The following PLEKHG1 variants were observed in gnomAD, a reference collection of about 807,000 sequenced individuals.
PLEKHG1 encodes pleckstrin homology domain-containing family G member 1.
In PLEKHG1, 44 loss-of-function variants were observed where a neutral mutation model predicts 100.8. That is an observed-to-expected ratio of 0.44 (90% CI 0.34 to 0.56). The LOEUF is 0.56. Ranked by LOEUF, PLEKHG1 falls within the 20% of genes least tolerant of loss-of-function variation. The pLI, the probability that PLEKHG1 is intolerant of heterozygous loss-of-function variation, is 0.01. For synonymous variants in PLEKHG1, 640 were observed against 662.5 expected (o/e 0.97, Z 0.52); for missense variants, 1,545 against 1,720.9 (o/e 0.90, Z 1.81).
chr6:150,818,130 G>T (rs1248656941), intron 10 of PLEKHG1, 53 bp from the exon 12 acceptor site: 1 of 1,424,414 alleles, frequency 7.0e-7, no homozygotes, highest in East Asian at 2.3e-5. Context: ...GAGATTTGGA[G>T]TTTAAAGAAA....
intron 10 of PLEKHG1, among the ~76,000 whole-genome samples, chr6:150,810,551 GAAA>G (rs1787461351): frequency 7.7e-6 from 1 of 129,098 alleles, no homozygotes; most frequent in Admixed American, 7.5e-5. Context: ...AGAAAGGAAG[GAAA>G]GAAAGAAAGA....
intron 3 of PLEKHG1, among the ~76,000 whole-genome samples, chr6:150,704,417 A>G (rs1780923820): frequency 6.6e-6 from 1 of 152,180 alleles, no homozygotes; most frequent in African/African-American, 2.4e-5. Flanking sequence ...AGTTCTATTC[A>G]CAATCCTTTA....
chr6:150,754,596 A>T (rs935656732), intron 2 of PLEKHG1, among the ~76,000 whole-genome samples: 5 of 151,124 alleles, frequency 3.3e-5, no homozygotes, highest in Admixed American at 2.6e-4. Flanking sequence ...GAGAGGCGGG[A>T]TTTGTTGTTT....
intron 3 of PLEKHG1, among the ~76,000 whole-genome samples, chr6:150,772,534 G>A (rs1022178585): frequency 3.3e-5 from 5 of 152,108 alleles, no homozygotes; most frequent in Non-Finnish European, 7.4e-5. Flanking sequence ...CAGGAGGATC[G>A]CTTGAGCCCA....
At chr6:150,818,505 G>C (rs749886455) in intron 11 of PLEKHG1, among the ~76,000 whole-genome samples, 1 of 152,056 alleles carries the variant, frequency 6.6e-6, no homozygotes, top group Non-Finnish European at 1.5e-5. Flanking sequence ...CCCTACCCCT[G>C]CCCCAACCTC....
At chr6:150,799,438 C>T (rs1269845016) in intron 5 of PLEKHG1, among the ~76,000 whole-genome samples, 3 of 152,162 alleles carry the variant, frequency 2.0e-5, no homozygotes, top group Non-Finnish European at 2.9e-5. Context: ...CAGGGAGGGA[C>T]GCAAACCCAG....
chr6:150,799,060 A>G (rs1786539750), intron 5 of PLEKHG1, among the ~76,000 whole-genome samples: 1 of 152,184 alleles, frequency 6.6e-6, no homozygotes, highest in African/African-American at 2.4e-5. Flanking sequence ...TCTTTAAAAA[A>G]AAAAAAAATT....
intron 2 of PLEKHG1, among the ~76,000 whole-genome samples, chr6:150,645,529 G>A (rs1562405810): frequency 6.6e-6 from 1 of 152,070 alleles, no homozygotes; most frequent in African/African-American, 2.4e-5. Flanking sequence ...ATATATTGAA[G>A]AATATATGAA....
intron 2 of PLEKHG1, among the ~76,000 whole-genome samples, chr6:150,766,249 T>A (rs773488031): frequency 1.3e-4 from 20 of 152,228 alleles, no homozygotes; most frequent in Admixed American, 7.2e-4. Flanking sequence ...TTTAAATTGA[T>A]CCTTCATAGT....
At chr6:150,731,368 T>C (rs1468663889) in intron 1 of PLEKHG1, among the ~76,000 whole-genome samples, 1 of 152,262 alleles carries the variant, frequency 6.6e-6, no homozygotes, top group Non-Finnish European at 1.5e-5. Context: ...GCTCATTTCC[T>C]ACATGTCTTA....
rs149403745 is a variant in PLEKHG1, at chr6:150,730,701, G to A, written c.-98-2883G>A. Among the ~76,000 whole-genome samples, 478 of 152,140 alleles carry A rather than the reference G, an allele frequency of 3.1e-3. 3 individuals carry two copies. The highest frequency in any genetic ancestry group is 0.01 in the African/African-American group (431 of 41,516). ...GTGGATCACCTGCGGTCAGGAGTTC[G>A]AGACCAGCCTGGCCAACGTGGTGAA... On this transcript the variant is annotated intron_variant, in intron 1 of 15. Coordinates refer to ENST00000358517, the Ensembl canonical transcript of PLEKHG1.
intron 2 of PLEKHG1, among the ~76,000 whole-genome samples, chr6:150,764,421 G>C (rs1442376217): frequency 1.3e-5 from 2 of 152,104 alleles, no homozygotes; most frequent in African/African-American, 4.8e-5. Context: ...ACCCGGCCCT[G>C]TTTTCTTTAT....
intron 1 of PLEKHG1, among the ~76,000 whole-genome samples, chr6:150,621,292 A>G (rs1777288976): frequency 6.6e-6 from 1 of 151,558 alleles, no homozygotes; most frequent in African/African-American, 2.4e-5. Context: ...AAAAGTCACA[A>G]CCTCTCTGAA....
In PLEKHG1 at chr6:150,817,884, C is replaced by T. The variant is rs528090078; in HGVS notation, c.1279-299C>T. Among the ~76,000 whole-genome samples, 3 of 152,000 alleles carry T rather than the reference C, an allele frequency of 2.0e-5. No homozygotes were observed. In the East Asian group the frequency reaches 5.8e-4, roughly 29 times the overall value. On this transcript the variant is annotated intron_variant, in intron 10 of 15. Coordinates refer to ENST00000358517, the Ensembl canonical transcript of PLEKHG1. ...GCCGAGAATCTGCATTTTTAATAAG[C>T]TGGCCAATGAGTGCTGATGATCAGC...
intron 2 of PLEKHG1, among the ~76,000 whole-genome samples, chr6:150,644,751 C>T (rs1778422479): frequency 6.6e-6 from 1 of 151,994 alleles, no homozygotes; most frequent in Admixed American, 6.6e-5. Context: ...GGTAACTTCT[C>T]CAGGAACAAC....
chr6:150,618,019 C>T (rs1484750908), intron 1 of PLEKHG1, among the ~76,000 whole-genome samples: 2 of 152,184 alleles, frequency 1.3e-5, no homozygotes, highest in Admixed American at 1.3e-4. Context: ...TACATATACA[C>T]ACATATACAT....
chr6:150,719,737 T>C (rs531609148), upstream of PLEKHG1, among the ~76,000 whole-genome samples: 30 of 152,282 alleles, frequency 2.0e-4, no homozygotes, highest in South Asian at 6.2e-3. Flanking sequence ...GGGGTTGCTG[T>C]GGAGGCCAGA....
chr6:150,689,868 AAAAAG>A (rs1050972620), intron 3 of PLEKHG1, among the ~76,000 whole-genome samples: 3 of 152,066 alleles, frequency 2.0e-5, no homozygotes, highest in African/African-American at 7.2e-5. Context: ...AAAAAAAAAA[AAAAAG>A]AAAAACAGAA....
At chr6:150,820,937 T>A (rs1235346813) in intron 12 of PLEKHG1, among the ~76,000 whole-genome samples, 73 of 152,196 alleles carry the variant, frequency 4.8e-4, no homozygotes, top group Non-Finnish European at 7.5e-4. Flanking sequence ...GCTCTGCTAC[T>A]GACAGGACTG....
Sources: gnomAD v4.1 joint callset for allele counts (sites outside exome capture counted in the v4.1 genomes callset) on GRCh38, gnomAD v4.1.1 for gene constraint, MANE v1.5 for transcripts, NCBI Gene and HGNC (gene_info 2026-07-23, HGNC 2026-07-21) for gene names.